The following TSBP1 variants were observed in gnomAD, a reference collection of about 807,000 sequenced individuals.
TSBP1 encodes the protein testis-expressed basic protein 1.
A neutral mutation model predicts 68.8 loss-of-function variants in TSBP1; 56 were observed. That is an observed-to-expected ratio of 0.81 (90% CI 0.66 to 1.02). The LOEUF (loss-of-function observed/expected upper bound fraction) is 1.02. Ranked by LOEUF, TSBP1 falls within the 50% of genes least tolerant of loss-of-function variation. The probability of loss-of-function intolerance (pLI) is 0.00; values close to 1 mark genes in which losing one functional copy is unlikely to be tolerated. For synonymous variants in TSBP1, 171 were observed against 208.7 expected (o/e 0.82, Z 1.56); for missense variants, 502 against 641.2 (o/e 0.78, Z 2.34).
intron 18 of TSBP1, 131 bp from the exon 20 acceptor site, chr6:32,322,637 C>A: frequency 1.5e-6 from 1 of 648,410 alleles, no homozygotes. Flanking sequence ...TTCCAAACCA[C>A]CCTATAGATT....
rs542074025 is a variant in TSBP1 at position 32,369,665 on chromosome 6, G to A, written c.100+232C>T. Reference sequence around the variant, plus strand: ...ATTACAGGCGTGAGCCACCGCTCCCGGCCTGTGACTTTTTCTTTGACATTA... The same window carrying A: ...ATTACAGGCGTGAGCCACCGCTCCCAGCCTGTGACTTTTTCTTTGACATTA... On this transcript the variant is annotated intron_variant, in intron 2 of 22. Coordinates refer to ENST00000612031, the Ensembl canonical transcript of TSBP1. 2.1e-3 allele frequency among the ~76,000 whole-genome samples: 299 copies of A among 144,746 alleles called. 7 individuals carry two copies. Among genetic ancestry groups the A allele is most frequent in the Admixed American group, 7.4e-3 (110 of 14,918 alleles). The allele number at this position is 144,746 out of a possible 152,430, so 95.0% of individuals were successfully genotyped here.
At chr6:32,364,474 C>T (rs1773437762) in intron 6 of TSBP1, among the ~76,000 whole-genome samples, 1 of 132,444 alleles carries the variant, frequency 7.6e-6, no homozygotes. Context: ...TTTGACTTCT[C>T]TTATTCTTTC....
rs781364584 is a variant in TSBP1 at position 32,330,583 on chromosome 6, A to G, written c.514+6T>C. On this transcript the variant is annotated splice_donor_region_variant and intron_variant, in intron 16 of 22. Transcript: ENST00000612031. ...CTGGAGGGAGAAGGATAGATAAGGT[A>G]CTTACCATTGGATCCAGGATATTGT... 5 of 1,608,330 alleles carry G rather than the reference A, an allele frequency of 3.1e-6. 1 individual carries two copies. Among genetic ancestry groups the G allele is most frequent in the South Asian group, 1.1e-5 (1 of 90,690 alleles).
In TSBP1 at chr6:32,300,667, G is replaced by C. The variant is rs932770762; in HGVS notation, c.622+13C>G. 11 of 1,611,936 alleles carry C rather than the reference G, an allele frequency of 6.8e-6. No homozygotes were observed. In the African/African-American group the frequency reaches 1.5e-4, roughly 22 times the overall value. ...ACAGAAATAGGTAAGGCAAGGAAAT[G>C]ATCCAAACTTACTGATTTTTCCAGA... On this transcript the variant is annotated intron_variant, in intron 21 of 22. Coordinates refer to ENST00000612031, the Ensembl canonical transcript of TSBP1.
intron 6 of TSBP1, among the ~76,000 whole-genome samples, chr6:32,360,129 C>T (rs1772828772): frequency 6.6e-6 from 1 of 152,122 alleles, no homozygotes; most frequent in Non-Finnish European, 1.5e-5. Flanking sequence ...ATTGGGTCTA[C>T]ATAACGTATT....
Position 32,303,687 on chromosome 6 carries a change from T to G in TSBP1, c.581-1058A>C, listed in dbSNP as rs866963018. Among the ~76,000 whole-genome samples the G allele has an allele frequency of 3.1e-4, 47 of 152,318 alleles. 1 individual carries two copies. Among genetic ancestry groups the G allele is most frequent in the African/African-American group, 1.1e-3 (46 of 41,584 alleles). On this transcript the variant is annotated intron_variant, in intron 19 of 22. Coordinates refer to ENST00000612031, the Ensembl canonical transcript of TSBP1. Reference sequence around the variant, plus strand: ...ATTTCTGTGATTTGCCTGATTGTTATGAGAGGCAAGTCCCAATTCTTTCAA... The same window carrying G: ...ATTTCTGTGATTTGCCTGATTGTTAGGAGAGGCAAGTCCCAATTCTTTCAA...
At chr6:32,293,095 T>C in exon 23 of TSBP1, 2 of 1,607,882 alleles carry the variant, frequency 1.2e-6, no homozygotes, top group East Asian at 4.5e-5. Flanking sequence ...CTTTGTCCTT[T>C]CCTTTGTCAC....
intron 9 of TSBP1, chr6:32,349,436 T>C (rs1771451729): frequency 3.3e-6 from 1 of 298,974 alleles, no homozygotes; most frequent in South Asian, 5.5e-5. Flanking sequence ...TTCTATATTA[T>C]CTTCATCCTC....
Position 32,338,303 on chromosome 6 carries a change from C to T in TSBP1, c.409+676G>A, listed in dbSNP as rs879619742. On this transcript the variant is annotated intron_variant, in intron 11 of 22. Coordinates refer to ENST00000612031, the Ensembl canonical transcript of TSBP1. The surrounding 1 kb of genome is among the most constrained non-coding windows in gnomAD (Gnocchi z 5.5). Reference sequence around the variant, plus strand: ...GCTGAGACTCTGCATATCTAAAACTCCAGGGTGACGTTGATGCAGGCCCTT... The same window carrying T: ...GCTGAGACTCTGCATATCTAAAACTTCAGGGTGACGTTGATGCAGGCCCTT... Among the ~76,000 whole-genome samples, 1 of 152,102 alleles carries T rather than the reference C, an allele frequency of 6.6e-6. No individual in the cohort carries two copies. Among genetic ancestry groups the T allele is most frequent in the Non-Finnish European group, 1.5e-5 (1 of 68,012 alleles).
At chr6:32,349,653 G>A (rs114543927) in intron 9 of TSBP1, 87 bp downstream of exon 9, 6 of 781,796 alleles carry the variant, frequency 7.7e-6, no homozygotes, top group South Asian at 3.1e-5. Context: ...GTGCTGCAGC[G>A]AAGAAGTCTG....
intron 6 of TSBP1, among the ~76,000 whole-genome samples, chr6:32,359,577 T>G (rs12307601): frequency 0.063 from 9,605 of 152,254 alleles, 399 homozygotes; most frequent in Admixed American, 0.086. Context: ...TTGCAAAAAT[T>G]TTCTCCCATT....
chr6:32,319,552 C>T (rs2746115), intron 18 of TSBP1, among the ~76,000 whole-genome samples: 50,864 of 140,968 alleles, frequency 0.36, 9,574 homozygotes, highest in Middle Eastern at 0.56. Context: ...TAATCTGGCT[C>T]TTGTCGCTCT....
At chr6:32,368,700 G>A (rs1774037115) in intron 3 of TSBP1, 82 bp downstream of exon 3, 3 of 1,418,716 alleles carry the variant, frequency 2.1e-6, no homozygotes, top group Non-Finnish European at 2.9e-6. Flanking sequence ...AAACACAACT[G>A]TAAACAAGAC....
intron 6 of TSBP1, among the ~76,000 whole-genome samples, chr6:32,358,058 C>T (rs2894249): frequency 0.77 from 116,888 of 152,044 alleles, 45,211 homozygotes; most frequent in South Asian, 0.9. Context: ...GGGTAGCTCA[C>T]CTTTGTGTGG....
At chr6:32,328,097 C>T (rs6913664) in intron 16 of TSBP1, among the ~76,000 whole-genome samples, 83,340 of 151,698 alleles carry the variant, frequency 0.55, 24,307 homozygotes, top group African/African-American at 0.75. Context: ...GCCACCAGTG[C>T]GCCGGGCCTA....
intron 6 of TSBP1, 58 bp downstream of exon 6, chr6:32,366,109 G>A (rs578185590): frequency 1.3e-6 from 2 of 1,594,474 alleles, no homozygotes; most frequent in East Asian, 2.2e-5. Flanking sequence ...CTTTTATGTT[G>A]TGGCAGGAAG....
At chr6:32,296,006 G>A (rs983541865) in intron 22 of TSBP1, among the ~76,000 whole-genome samples, 1 of 151,708 alleles carries the variant, frequency 6.6e-6, no homozygotes, top group African/African-American at 2.4e-5. Flanking sequence ...CACCACACCC[G>A]GCTAATTTTG....
chr6:32,327,448 T>C (rs1259030137), intron 16 of TSBP1, among the ~76,000 whole-genome samples: 3 of 152,186 alleles, frequency 2.0e-5, no homozygotes, highest in African/African-American at 2.4e-5. Flanking sequence ...GCTCAGTGCA[T>C]GTCCGGCCTT....
rs561490920 is a variant in TSBP1 at position 32,357,353 on chromosome 6, A to G, written c.218-1684T>C. On this transcript the variant is annotated intron_variant, in intron 6 of 22. Transcript: ENST00000612031. This position sits in a 1 kb window ranked among gnomAD's most constrained non-coding sequence, Gnocchi z 4.7. ...AAAAATTAAGATATTACTAAATTAC[A>G]TAAGAATAAACTCTCTGACTGCCTA... Among the ~76,000 whole-genome samples, 38 of 152,366 alleles carry G rather than the reference A, an allele frequency of 2.5e-4. No homozygotes were observed. The South Asian group carries it at 7.2e-3, about 29-fold the overall frequency.
Sources: gnomAD v4.1 joint callset for allele counts (sites outside exome capture counted in the v4.1 genomes callset) on GRCh38, gnomAD v4.1.1 for gene constraint, Gnocchi (gnomAD v3.1) non-coding constraint, MANE v1.5 for transcripts, NCBI Gene and HGNC (gene_info 2026-07-23, HGNC 2026-07-21) for gene names.